The following SEC24B variants were observed in gnomAD, a reference collection of about 807,000 sequenced individuals.
SEC24B encodes protein transport protein Sec24B.
SEC24B carries 45 observed loss-of-function variants against 142.8 expected under a neutral mutation model. The observed-to-expected ratio is 0.32, with a 90% CI of 0.25 to 0.40. SEC24B has a LOEUF of 0.40. SEC24B is among the 10% of genes least tolerant of loss of function. The pLI, the probability that SEC24B is intolerant of heterozygous loss-of-function variation, is 1.00. For synonymous variants in SEC24B, 574 were observed against 568.2 expected (o/e 1.01, Z -0.15); for missense variants, 1,409 against 1,526.8 (o/e 0.92, Z 1.29).
At position 109,513,780 on chromosome 4, in the gene SEC24B, G is replaced by C. The variant is rs1211867565; in HGVS notation, c.1937G>C (p.Arg646Pro). The C allele has an allele frequency of 2.5e-6, 4 of 1,612,792 alleles. No individual in the cohort carries two copies. The highest frequency in any genetic ancestry group is 3.4e-6 in the Non-Finnish European group (4 of 1,179,116). The change falls in exon 10 of 24, where the codon CGA becomes CCA. Residue 646 changes from arginine to proline, a missense_variant. By Grantham distance (103) the Arg-to-Pro change is moderately radical. Around this residue, in one of 2 missense-constraint regions of SEC24B, gnomAD observed 700 missense variants for 853.3 expected, o/e 0.82. Coordinates refer to ENST00000265175, the MANE Select transcript of SEC24B (RefSeq NM_006323.5). ...PEEFMYNPLTRSYGEPHKRPE... is the reference protein window; with the variant it reads ...PEEFMYNPLTPSYGEPHKRPE... ...GAATTTATGTATAACCCCCTTACCC[G>C]ATCTTATGGAGAGCCTCATAAACGA...
At chr4:109,509,600 C>A (rs1297462365) in intron 7 of SEC24B, among the ~76,000 whole-genome samples, 1 of 151,132 alleles carries the variant, frequency 6.6e-6, no homozygotes, top group Admixed American at 6.6e-5. Flanking sequence ...TGGCGTGAAC[C>A]CAGGAGGCGG....
intron 2 of SEC24B, among the ~76,000 whole-genome samples, chr4:109,466,318 T>C (rs1478864330): frequency 1.3e-5 from 2 of 152,218 alleles, no homozygotes; most frequent in Admixed American, 6.5e-5. Context: ...AGTTTAATGT[T>C]CTAGAAAGTC....
At chr4:109,522,415 A>G (rs1212471024) in intron 14 of SEC24B, among the ~76,000 whole-genome samples, 2 of 152,210 alleles carry the variant, frequency 1.3e-5, no homozygotes, top group Non-Finnish European at 2.9e-5. Context: ...ATACTTTGTA[A>G]GTCATAGAAA....
chr4:109,528,297 AC>A (rs1272397129), intron 18 of SEC24B, among the ~76,000 whole-genome samples: 2 of 151,924 alleles, frequency 1.3e-5, no homozygotes, highest in Admixed American at 6.6e-5. Context: ...GTGGTGCTGC[AC>A]CCCTGTAATC....
At position 109,530,484 on chromosome 4, in the gene SEC24B, T is replaced by C. The variant is rs760178475; in HGVS notation, c.3252+20T>C. On this transcript the variant is annotated intron_variant, in intron 19 of 23. Transcript: ENST00000265175. ...AAACAGGTAGCTTTTTATACATTGC[T>C]ATATTTAATATTGTTTTTTAAAATT... The C allele has an allele frequency of 7.0e-6, 11 of 1,566,856 alleles. No individual in the cohort carries two copies. The Admixed American group carries it at 7.6e-5, about 11-fold the overall frequency.
At chr4:109,438,468 C>G (rs1187640825) in intron 1 of SEC24B, among the ~76,000 whole-genome samples, 1 of 152,054 alleles carries the variant, frequency 6.6e-6, no homozygotes, top group African/African-American at 2.4e-5. Flanking sequence ...TGTGTGACAC[C>G]ATACCCAGCT....
At chr4:109,503,896 G>A (rs1736427609) in intron 6 of SEC24B, among the ~76,000 whole-genome samples, 1 of 152,056 alleles carries the variant, frequency 6.6e-6, no homozygotes, top group East Asian at 1.9e-4. Context: ...ATTAGATAAT[G>A]TATCTTCTCT....
chr4:109,448,713 A>G (rs1405328281), intron 1 of SEC24B, among the ~76,000 whole-genome samples: 2 of 152,174 alleles, frequency 1.3e-5, no homozygotes, highest in African/African-American at 4.8e-5. Flanking sequence ...GATTACAGGC[A>G]TGAGGCACTG....
chr4:109,491,278 A>G (rs750340729), intron 4 of SEC24B, 49 bp from the exon 5 acceptor site: 68 of 1,447,224 alleles, frequency 4.7e-5, no homozygotes, highest in Admixed American at 2.5e-4. Context: ...GGCTGCTTTA[A>G]GATACTTTGT....
intron 22 of SEC24B, among the ~76,000 whole-genome samples, chr4:109,535,843 C>G (rs922967000): frequency 1.3e-5 from 2 of 148,930 alleles, no homozygotes; most frequent in African/African-American, 2.5e-5. Context: ...CAGAGCAAGA[C>G]TCCGTCTCAA....
chr4:109,447,374 T>C (rs536318635), intron 1 of SEC24B, among the ~76,000 whole-genome samples: 2 of 152,334 alleles, frequency 1.3e-5, no homozygotes, highest in South Asian at 4.1e-4. Flanking sequence ...CATACTCACT[T>C]GATCCCCTTC....
chr4:109,507,009 A>C (rs1736759437), intron 7 of SEC24B, among the ~76,000 whole-genome samples: 1 of 152,030 alleles, frequency 6.6e-6, no homozygotes, highest in Non-Finnish European at 1.5e-5. Context: ...TCCAGTCTGA[A>C]TCTAGACTGG....
intron 7 of SEC24B, among the ~76,000 whole-genome samples, chr4:109,507,352 G>A (rs1310885266): frequency 1.3e-5 from 2 of 148,976 alleles, no homozygotes. Context: ...TTAGCTGACT[G>A]CAACCTCCGC....
At chr4:109,476,248 A>C (rs1733126245) in intron 3 of SEC24B, among the ~76,000 whole-genome samples, 1 of 152,114 alleles carries the variant, frequency 6.6e-6, no homozygotes, top group South Asian at 2.1e-4. Flanking sequence ...AGGCCTCCCA[A>C]AGTGTTAGGA....
At chr4:109,472,743 A>G (rs1027158034) in intron 2 of SEC24B, among the ~76,000 whole-genome samples, 7 of 152,184 alleles carry the variant, frequency 4.6e-5, no homozygotes, top group Admixed American at 3.9e-4. Context: ...GAAAATTGTC[A>G]TTAAAGTTTA....
At chr4:109,524,596 G>A (rs909611988) in intron 14 of SEC24B, among the ~76,000 whole-genome samples, 1 of 152,090 alleles carries the variant, frequency 6.6e-6, no homozygotes, top group Non-Finnish European at 1.5e-5. Flanking sequence ...TATGAGATGT[G>A]TTATGAAAAT....
rs1308008185 is a variant in SEC24B at position 109,540,429 on chromosome 4, C to G, written c.*754C>G. 1 of 152,354 alleles carries G rather than the reference C, an allele frequency of 6.6e-6. No individual in the cohort carries two copies. Among genetic ancestry groups the G allele is most frequent in the Non-Finnish European group, 1.5e-5 (1 of 68,016 alleles). 9.4% of individuals were successfully genotyped at this position (152,354 alleles called of 1,614,324 possible). ...TTATGTAGATTTATTTATGATCAGC[C>G]TACTAATTAAAACTATTTCGCTTGA... On this transcript the variant is annotated 3_prime_UTR_variant, in exon 24 of 24. Coordinates refer to ENST00000265175, the MANE Select transcript of SEC24B (RefSeq NM_006323.5).
At chr4:109,485,369 A>G (rs1734247536) in intron 4 of SEC24B, among the ~76,000 whole-genome samples, 1 of 152,242 alleles carries the variant, frequency 6.6e-6, no homozygotes, top group South Asian at 2.1e-4. Flanking sequence ...ATAGAGATTC[A>G]AACTGAGGTC....
Position 109,538,510 on chromosome 4 carries a change from A to C in SEC24B, c.3606A>C (p.Leu1202=), listed in dbSNP as rs757873443. The C allele has an allele frequency of 8.1e-6, 13 of 1,611,690 alleles. No individual in the cohort carries two copies. The South Asian group carries it at 1.4e-4, about 18-fold the overall frequency. Residue 1202 remains leucine (L), a synonymous_variant, in exon 23 of 24, where the codon CTA becomes CTC. Transcript: ENST00000265175. ...TTTACCAGACACATCTTCCAGAGCT[A>C]GATACACTTTCATCAGAAAGAGCCA... ...IPQKMTHLPE[L]DTLSSERARS... is the part of the protein sequence containing the mutation.
Sources: gnomAD v4.1 joint callset for allele counts (sites outside exome capture counted in the v4.1 genomes callset) on GRCh38, gnomAD v4.1.1 for gene constraint, gnomAD v4.1.1 regional missense constraint, MANE v1.5 for transcripts, NCBI Gene and HGNC (gene_info 2026-07-23, HGNC 2026-07-21) for gene names.